Variants in SLCO2A1 observed in about 807,000 individuals in gnomAD.
The protein encoded by SLCO2A1 is matrin F/G 1.
Under a neutral mutation model 71.7 loss-of-function variants are expected in SLCO2A1, and 60 were observed. That is an observed-to-expected ratio of 0.84 (90% CI 0.68 to 1.04). SLCO2A1 has a LOEUF of 1.04. Among genes scored for constraint, SLCO2A1 ranks in the 50% least tolerant of loss-of-function variants. SLCO2A1 has a pLI of 0.00. For synonymous variants in SLCO2A1, 308 were observed against 326.7 expected (o/e 0.94, Z 0.62); for missense variants, 745 against 813.4 (o/e 0.92, Z 1.02).
rs73861260 is a variant in SLCO2A1 at position 133,936,490 on chromosome 3, C to T, written c.1691-593G>A. On this transcript the variant is annotated intron_variant, in intron 12 of 13. Transcript: ENST00000310926. ...GCTCAAAGCTTCTGCTCTGGGACCC[C>T]GAACTTCCCAGCAGCTGAGTGTTAA... 7.3e-3 allele frequency among the ~76,000 whole-genome samples: 1,116 copies of T among 152,272 alleles called. 20 individuals are homozygous for T. Among genetic ancestry groups the T allele is most frequent in the African/African-American group, 0.026 (1,062 of 41,550 alleles).
chr3:133,970,651 C>A (rs999940770), intron 3 of SLCO2A1, among the ~76,000 whole-genome samples: 5 of 152,230 alleles, frequency 3.3e-5, no homozygotes, highest in African/African-American at 1.2e-4. Flanking sequence ...TCATCCCACC[C>A]CCTGGCACCA....
chr3:133,995,079 G>T (rs547611810), intron 1 of SLCO2A1, among the ~76,000 whole-genome samples: 1 of 152,032 alleles, frequency 6.6e-6, no homozygotes, highest in African/African-American at 2.4e-5. Context: ...AGGTGCACCC[G>T]AGGGACTGGT....
rs140302774 is a variant in SLCO2A1, at chr3:134,015,617, G to A, written c.96+14090C>T. The stretch of plus-strand genomic sequence containing the variant: ...TCACCATAAAAAATGATAGATAAGC[G>A]AGGTCAAGATACATTAATTAGCTTG... On this transcript the variant is annotated intron_variant, in intron 1 of 13. Transcript: ENST00000310926. Among the ~76,000 whole-genome samples the A allele has an allele frequency of 3.0e-3, 449 of 152,118 alleles. 2 individuals carry two copies. Among genetic ancestry groups the A allele is most frequent in the African/African-American group, 0.01 (433 of 41,488 alleles).
chr3:133,934,807 T>C lies in SLCO2A1; in HGVS notation c.1838A>G (p.Tyr613Cys). 1 of 1,611,754 alleles carries C rather than the reference T, an allele frequency of 6.2e-7. No homozygotes were observed. The change falls in exon 14 of 14, where the codon TAC becomes TGC. Residue 613 changes from tyrosine to cysteine, a missense_variant. Coordinates refer to ENST00000310926, the MANE Select transcript of SLCO2A1 (RefSeq NM_005630.3). ...RDRYLGLQMG[Y>C]KALGMLLLCF... Reference sequence around the variant, plus strand: ...AAGCAGCAGCATGCCCAGCGCCTTGTAGCCCATCTGCAGGCCCAGGTACCT... The same window carrying C: ...AAGCAGCAGCATGCCCAGCGCCTTGCAGCCCATCTGCAGGCCCAGGTACCT...
At chr3:133,998,657 T>G (rs1235828998) in intron 1 of SLCO2A1, 1 of 152,230 alleles carries the variant, frequency 6.6e-6, no homozygotes, top group African/African-American at 2.4e-5. Context: ...CCTTTTCCTC[T>G]CCTTCCTCTC....
intron 1 of SLCO2A1, among the ~76,000 whole-genome samples, chr3:133,981,631 CTCTT>C (rs1934593679): frequency 6.6e-6 from 1 of 152,188 alleles, no homozygotes; most frequent in African/African-American, 2.4e-5. Context: ...GACTAGAAGA[CTCTT>C]TCTGGCTCTG....
At chr3:134,016,213 T>C (rs1935452478) in intron 1 of SLCO2A1, among the ~76,000 whole-genome samples, 1 of 152,146 alleles carries the variant, frequency 6.6e-6, no homozygotes, top group Non-Finnish European at 1.5e-5. Flanking sequence ...ACATTTTCTC[T>C]GTAAAATACC....
At chr3:134,019,564 G>A (rs918557395) in intron 1 of SLCO2A1, among the ~76,000 whole-genome samples, 11 of 152,150 alleles carry the variant, frequency 7.2e-5, no homozygotes, top group African/African-American at 2.7e-4. Flanking sequence ...GGTTTACAAA[G>A]CCTTTTTCCT....
intron 9 of SLCO2A1, 82 bp downstream of exon 9, chr3:133,947,174 A>T (rs1399655153): frequency 8.3e-7 from 1 of 1,207,310 alleles, no homozygotes; most frequent in Non-Finnish European, 1.2e-6. Flanking sequence ...AGAGTTAAGG[A>T]AGCAGGAAGG....
chr3:134,011,804 T>C (rs1156479469), intron 1 of SLCO2A1, among the ~76,000 whole-genome samples: 1 of 152,076 alleles, frequency 6.6e-6, no homozygotes, highest in Non-Finnish European at 1.5e-5. Context: ...GGCTGGAGGG[T>C]GAAGTCAATG....
At chr3:133,978,233 CAGTT>C (rs1934506123) in intron 2 of SLCO2A1, among the ~76,000 whole-genome samples, 1 of 152,166 alleles carries the variant, frequency 6.6e-6, no homozygotes. Context: ...GTAGAGAAGA[CAGTT>C]AGGAATCCAC....
intron 1 of SLCO2A1, among the ~76,000 whole-genome samples, chr3:133,983,114 C>T (rs1934631420): frequency 6.6e-6 from 1 of 152,176 alleles, no homozygotes; most frequent in South Asian, 2.1e-4. Context: ...CCAATCTTAG[C>T]TCCTTGCTTC....
intron 3 of SLCO2A1, among the ~76,000 whole-genome samples, chr3:133,959,411 A>C (rs1182141825): frequency 2.0e-5 from 3 of 151,956 alleles, no homozygotes; most frequent in East Asian, 3.9e-4. Flanking sequence ...AAAAAAAAAA[A>C]CAGAAAACGA....
intron 11 of SLCO2A1, among the ~76,000 whole-genome samples, chr3:133,941,605 A>G (rs568366496): frequency 1.3e-5 from 2 of 152,190 alleles, no homozygotes; most frequent in Admixed American, 6.5e-5. Context: ...CCTTGCAGCC[A>G]GTGAGGTGAA....
At chr3:133,973,299 T>C (rs1934371836) in intron 3 of SLCO2A1, among the ~76,000 whole-genome samples, 1 of 152,218 alleles carries the variant, frequency 6.6e-6, no homozygotes, top group Non-Finnish European at 1.5e-5. Flanking sequence ...AATGTACAAA[T>C]GTCACGAAGT....
At chr3:134,003,022 C>T (rs1256846606) in intron 1 of SLCO2A1, among the ~76,000 whole-genome samples, 3 of 152,188 alleles carry the variant, frequency 2.0e-5, no homozygotes, top group Non-Finnish European at 4.4e-5. Flanking sequence ...TCGGTGTGGG[C>T]CAGGAGCATT....
intron 3 of SLCO2A1, among the ~76,000 whole-genome samples, chr3:133,966,107 T>C (rs890840427): frequency 6.6e-5 from 10 of 152,276 alleles, no homozygotes; most frequent in African/African-American, 1.7e-4. Flanking sequence ...GGTCCAGAGA[T>C]TGGCAAACCA....
At chr3:133,942,492 C>CT in intron 11 of SLCO2A1, 113 bp downstream of exon 11, 1 of 1,143,924 alleles carries the variant, frequency 8.7e-7, no homozygotes, top group Non-Finnish European at 1.2e-6. Flanking sequence ...TTAAAGGACT[C>CT]TGAGGGCCAC....
intron 1 of SLCO2A1, among the ~76,000 whole-genome samples, chr3:134,019,908 C>A (rs1935536519): frequency 6.6e-6 from 1 of 152,064 alleles, no homozygotes; most frequent in South Asian, 2.1e-4. Context: ...TTGTCTTATG[C>A]CCAATTTCTG....
Sources: gnomAD v4.1 joint callset for allele counts (sites outside exome capture counted in the v4.1 genomes callset) on GRCh38, gnomAD v4.1.1 for gene constraint, MANE v1.5 for transcripts, NCBI Gene and HGNC (gene_info 2026-07-23, HGNC 2026-07-21) for gene names.